The following ZGRF1 variants were observed in gnomAD, a reference collection of about 807,000 sequenced individuals.
The protein encoded by ZGRF1 is 5'-3' DNA helicase ZGRF1.
Under a neutral mutation model 203.5 loss-of-function variants are expected in ZGRF1, and 196 were observed. That is an observed-to-expected ratio of 0.96 (90% CI 0.86 to 1.08). The LOEUF is 1.08. Ranked by LOEUF, ZGRF1 falls within the 50% of genes least tolerant of loss-of-function variation. ZGRF1 has a pLI of 0.00. For missense variants in ZGRF1, 2,326 were observed against 2,416.3 expected (o/e 0.96, Z 0.78); for synonymous variants, 809 against 841.3 (o/e 0.96, Z 0.66).
At position 112,619,327 on chromosome 4, in the gene ZGRF1, C is replaced by T; in HGVS notation, c.715G>A (p.Ala239Thr). The T allele has an allele frequency of 6.2e-7, 1 of 1,612,492 alleles. No individual in the cohort carries two copies. Among genetic ancestry groups the T allele is most frequent in the Admixed American group, 1.7e-5 (1 of 59,852 alleles). ...TNEPVKRDSL[A>T]SHYSGVSQNI... is the part of the protein sequence containing the mutation. ...TGTGAAACTCCTGAATAGTGAGATG[C>T]CAAACTATCTCTTTTCACAGGCTCA... The change falls in exon 6 of 28, where the codon GCA becomes ACA. Residue 239 changes from alanine to threonine, a missense_variant. Coordinates refer to ENST00000505019, the MANE Select transcript of ZGRF1 (RefSeq NM_018392.5).
chr4:112,627,506 C>T (rs1022388481), intron 3 of ZGRF1, among the ~76,000 whole-genome samples: 8 of 152,086 alleles, frequency 5.3e-5, no homozygotes, highest in South Asian at 2.1e-4. Context: ...TTTAAGAGGC[C>T]GAGGCGGGTG....
intron 3 of ZGRF1, among the ~76,000 whole-genome samples, chr4:112,627,806 C>T (rs183109184): frequency 1.6e-4 from 25 of 152,270 alleles, no homozygotes; most frequent in Admixed American, 5.2e-4. Flanking sequence ...TCTTCATTAG[C>T]TCCTGGGGCT....
intron 3 of ZGRF1, among the ~76,000 whole-genome samples, chr4:112,625,895 C>G (rs1182899505): frequency 3.4e-5 from 3 of 89,268 alleles, no homozygotes; most frequent in Non-Finnish European, 7.0e-5. Context: ...AACTCCGTCT[C>G]AAAAAAAAAA....
chr4:112,561,288 C>T (rs975548351), intron 18 of ZGRF1: 5 of 333,982 alleles, frequency 1.5e-5, no homozygotes, highest in African/African-American at 1.1e-4. Context: ...AGTTAATTAT[C>T]CCAAGTACAG....
At chr4:112,589,193 A>G (rs988547191) in intron 11 of ZGRF1, among the ~76,000 whole-genome samples, 1 of 152,212 alleles carries the variant, frequency 6.6e-6, no homozygotes, top group African/African-American at 2.4e-5. Flanking sequence ...AGTGAAAGGG[A>G]TCCTAGAGAA....
intron 8 of ZGRF1, among the ~76,000 whole-genome samples, chr4:112,609,165 T>C (rs1380925843): frequency 6.6e-6 from 1 of 151,934 alleles, no homozygotes; most frequent in Non-Finnish European, 1.5e-5. Flanking sequence ...GCCATTCTCC[T>C]GCCTCAGCCT....
In ZGRF1 at chr4:112,619,507, T is replaced by A. The variant is rs368267749; in HGVS notation, c.535A>T (p.Ile179Phe). ...CTCTCCCTGTTCTTGTAAGTCACAA[T>A]GTTCTCAGGGTCTGCCAGTATATTA... ...VNNILADPEN[I>F]VTYKNRERNA... The change falls in exon 6 of 28, where the codon ATT becomes TTT. Residue 179 changes from isoleucine (I) to phenylalanine (F), a missense_variant. By Grantham distance (21) the Ile-to-Phe change is conservative. Transcript: ENST00000505019. 4 of 1,613,550 alleles carry A rather than the reference T, an allele frequency of 2.5e-6. No individual in the cohort carries two copies. Among genetic ancestry groups the A allele is most frequent in the South Asian group, 1.1e-5 (1 of 90,904 alleles).
intron 16 of ZGRF1, among the ~76,000 whole-genome samples, chr4:112,575,462 C>T (rs1010130252): frequency 6.6e-6 from 1 of 152,078 alleles, no homozygotes; most frequent in Non-Finnish European, 1.5e-5. Context: ...CGAGCATGAG[C>T]CGAAGCAGGG....
chr4:112,612,851 T>G (rs1044081546), intron 6 of ZGRF1, among the ~76,000 whole-genome samples: 1 of 152,206 alleles, frequency 6.6e-6, no homozygotes, highest in Non-Finnish European at 1.5e-5. Flanking sequence ...TAGGAATGTT[T>G]CCTTGTACTC....
chr4:112,541,299 A>G (rs767482268), intron 24 of ZGRF1, 31 bp from the exon 25 acceptor site: 6 of 1,358,622 alleles, frequency 4.4e-6, no homozygotes, highest in Non-Finnish European at 5.0e-6. Context: ...AAAATAAAAC[A>G]TAATTTTTTT....
At chr4:112,567,618 C>T (rs900474780) in intron 16 of ZGRF1, among the ~76,000 whole-genome samples, 4 of 152,092 alleles carry the variant, frequency 2.6e-5, no homozygotes, top group Admixed American at 1.3e-4. Context: ...TAAATAAATA[C>T]ATATGCACAT....
intron 22 of ZGRF1, among the ~76,000 whole-genome samples, chr4:112,549,091 G>T (rs1739392274): frequency 4.5e-5 from 1 of 22,366 alleles, no homozygotes; most frequent in Non-Finnish European, 8.4e-5. Context: ...TCCAGCCTGG[G>T]CGACAGAGCG....
chr4:112,616,053 A>G (rs1014452168), intron 6 of ZGRF1, among the ~76,000 whole-genome samples: 1 of 152,224 alleles, frequency 6.6e-6, no homozygotes, highest in African/African-American at 2.4e-5. Flanking sequence ...GAATCACATG[A>G]GATACTCAAA....
rs544367787 is a variant in ZGRF1 at position 112,619,389 on chromosome 4, T to C, written c.653A>G (p.Asn218Ser). ...CEENYFCSPV[N>S]SGNKLSDSLL... ...AGAGTCTGAAAGCTTATTTCCAGAA[T>C]TGACAGGTGAGCAAAAATAATTTTC... Residue 218 changes from asparagine (N) to serine (S), a missense_variant, in exon 6 of 28, where the codon AAT becomes AGT. Coordinates refer to ENST00000505019, the MANE Select transcript of ZGRF1 (RefSeq NM_018392.5). 43 of 1,613,280 alleles carry C rather than the reference T, an allele frequency of 2.7e-5. No homozygotes were observed. The Middle Eastern group carries it at 9.9e-4, about 37-fold the overall frequency.
chr4:112,576,018 A>G (rs1212343466), intron 16 of ZGRF1, among the ~76,000 whole-genome samples: 1 of 152,202 alleles, frequency 6.6e-6, no homozygotes, highest in East Asian at 1.9e-4. Flanking sequence ...CCTAACTGGG[A>G]GGCACCCCCC....
At chr4:112,596,063 C>A (rs1283199753) in intron 10 of ZGRF1, among the ~76,000 whole-genome samples, 1 of 152,158 alleles carries the variant, frequency 6.6e-6, no homozygotes, top group Non-Finnish European at 1.5e-5. Context: ...ATAATCATAA[C>A]TGATGTAGAT....
At chr4:112,600,987 A>G (rs1224288986) in intron 10 of ZGRF1, among the ~76,000 whole-genome samples, 7 of 151,716 alleles carry the variant, frequency 4.6e-5, no homozygotes, top group Admixed American at 4.6e-4. Flanking sequence ...ACTCTGCCAG[A>G]CTTCATCACC....
At position 112,563,141 on chromosome 4, in the gene ZGRF1, C is replaced by G; in HGVS notation, c.4572G>C (p.Trp1524Cys). 6.5e-7 allele frequency: 1 copy of G among 1,548,126 alleles called. No homozygotes were observed. ...CATAGTAATACTCACTGTTAGTGGG[C>G]CAATTAGAAGGGAAATAGCCTTTCA... is the stretch of plus-strand genomic sequence containing the variant. The part of the protein sequence containing the change: ...LPLKGYFPSN[W>C]PTNMVVHALL... The change falls in exon 17 of 28, where the codon TGG (tryptophan) becomes TGC (cysteine). Residue 1524 changes from tryptophan (W) to cysteine (C), a missense_variant. Trp to Cys is a radical substitution (Grantham distance 215, BLOSUM62 -2). Coordinates refer to ENST00000505019, the MANE Select transcript of ZGRF1 (RefSeq NM_018392.5).
At chr4:112,607,474 C>T (rs1042134013) in intron 8 of ZGRF1, among the ~76,000 whole-genome samples, 10 of 152,296 alleles carry the variant, frequency 6.6e-5, no homozygotes, top group African/African-American at 1.7e-4. Context: ...AAAATTAATT[C>T]GCATACTACC....
Sources: allele counts gnomAD v4.1 joint callset (sites outside exome capture counted in the v4.1 genomes callset), GRCh38; gene constraint gnomAD v4.1.1; transcripts MANE v1.5; gene names NCBI Gene and HGNC (gene_info 2026-07-23, HGNC 2026-07-21).